PNKD: variants seen among roughly 807,000 people sequenced by gnomAD.
The protein encoded by PNKD is probable thioesterase PNKD.
In PNKD, 36 loss-of-function variants were observed where a neutral mutation model predicts 45.3. The ratio of observed to expected loss-of-function variants is 0.80; its 90% confidence interval spans 0.61 to 1.05. The LOEUF is 1.05. Among genes scored for constraint, PNKD ranks in the 50% least tolerant of loss-of-function variants. The pLI, the probability that PNKD is intolerant of heterozygous loss-of-function variation, is 0.00. For missense variants in PNKD, 511 were observed against 506.6 expected (o/e 1.01, Z -0.08); for synonymous variants, 197 against 210.1 (o/e 0.94, Z 0.54).
chr2:218,299,344 G>A (rs950699503), intron 2 of PNKD, among the ~76,000 whole-genome samples: 2 of 152,158 alleles, frequency 1.3e-5, no homozygotes, highest in Non-Finnish European at 2.9e-5. Context: ...GTTTCACCAC[G>A]TTGGCCAGGC....
intron 2 of PNKD, chr2:218,278,354 T>C: frequency 1.4e-6 from 1 of 719,094 alleles, no homozygotes; most frequent in Non-Finnish European, 2.4e-6. Flanking sequence ...ACACACATGG[T>C]CCTTTGTATA....
intron 1 of PNKD, chr2:218,270,947 G>A (rs1171186333): frequency 2.7e-5 from 9 of 335,896 alleles, no homozygotes; most frequent in Non-Finnish European, 5.4e-6. Flanking sequence ...TTGACCTTGG[G>A]CAAAGCAGTT....
intron 2 of PNKD, among the ~76,000 whole-genome samples, chr2:218,303,574 CTTT>C (rs59067154): frequency 2.2e-3 from 222 of 101,642 alleles, no homozygotes; most frequent in Middle Eastern, 5.6e-3. Flanking sequence ...ACCTGCACTT[CTTT>C]TTTTTTTTTT....
At chr2:218,273,615 G>C (rs993798329) in intron 2 of PNKD, among the ~76,000 whole-genome samples, 4 of 151,720 alleles carry the variant, frequency 2.6e-5, no homozygotes, top group Admixed American at 1.3e-4. Context: ...AGAGTAGCTG[G>C]GATTACAGGC....
intron 2 of PNKD, among the ~76,000 whole-genome samples, chr2:218,290,715 C>G (rs927440487): frequency 1.3e-5 from 2 of 152,242 alleles, no homozygotes; most frequent in Non-Finnish European, 2.9e-5. Context: ...TCCCTTCCCA[C>G]CAATGGAGGT....
At chr2:218,295,770 C>A (rs537362026) in intron 2 of PNKD, among the ~76,000 whole-genome samples, 1 of 151,818 alleles carries the variant, frequency 6.6e-6, no homozygotes, top group Admixed American at 6.6e-5. Context: ...CTGGTGGTGC[C>A]CCTGGGGTAG....
intron 2 of PNKD, chr2:218,292,654 G>A (rs1693019348): frequency 6.6e-6 from 1 of 152,152 alleles, no homozygotes; most frequent in African/African-American, 2.4e-5. Flanking sequence ...GAGCCCCGAC[G>A]ACGCCTCACT....
chr2:218,294,995 G>A (rs1693107627), intron 2 of PNKD, among the ~76,000 whole-genome samples: 1 of 152,142 alleles, frequency 6.6e-6, no homozygotes, highest in Non-Finnish European at 1.5e-5. Flanking sequence ...AATATCCAAG[G>A]AGATTCCATT....
chr2:218,337,121 T>A (rs1052099574), intron 2 of PNKD, among the ~76,000 whole-genome samples: 2 of 151,480 alleles, frequency 1.3e-5, no homozygotes, highest in Admixed American at 1.3e-4. Flanking sequence ...TCTTTTTTTT[T>A]ATTGAGATGG....
rs746425926 is a variant in PNKD at position 218,344,994 on chromosome 2, C to CCCCAG, written c.*23_*27dup. The CCCCAG allele has an allele frequency of 1.9e-6, 3 of 1,605,946 alleles. No homozygotes were observed. The highest frequency in any genetic ancestry group is 2.6e-6 in the Non-Finnish European group (3 of 1,175,258). The stretch of plus-strand genomic sequence containing the variant: ...CAAGAGCAAGTGATGCCCCCAGCGC[C>CCCCAG]CCCAGCCCAGCCCACTCCCCGCATG... On this transcript the variant is annotated 3_prime_UTR_variant, in exon 10 of 10. Coordinates refer to ENST00000273077, the MANE Select transcript of PNKD (RefSeq NM_015488.5).
intron 2 of PNKD, among the ~76,000 whole-genome samples, chr2:218,285,141 C>T (rs1692404999): frequency 6.6e-6 from 1 of 152,074 alleles, no homozygotes; most frequent in Non-Finnish European, 1.5e-5. Flanking sequence ...GAAACCCGAC[C>T]CCTGATCAAT....
At chr2:218,334,090 G>A (rs1230294536) in intron 2 of PNKD, among the ~76,000 whole-genome samples, 10 of 151,276 alleles carry the variant, frequency 6.6e-5, no homozygotes, top group Admixed American at 2.7e-4. Flanking sequence ...ACTCCTGCCC[G>A]GATGACAGAG....
In PNKD at chr2:218,308,188, A is replaced by ATT. The variant is rs36099207; in HGVS notation, c.237-31578_237-31577dup. On this transcript the variant is annotated intron_variant, in intron 2 of 9. Coordinates refer to ENST00000273077, the MANE Select transcript of PNKD (RefSeq NM_015488.5). ...AAGATTATGACTGGAAGCATTTTAG[A>ATT]TTTTTTTTTTTTTTTTTTGAGACAG... Among the ~76,000 whole-genome samples, 858 of 137,568 alleles carry ATT rather than the reference A, an allele frequency of 6.2e-3. 12 individuals carry two copies. The highest frequency in any genetic ancestry group is 0.016 in the African/African-American group (616 of 37,364). 90.2% of individuals were successfully genotyped at this position (137,568 alleles called of 152,430 possible).
rs10675061 is a variant in PNKD, at chr2:218,289,625, GAAAAAAA to G, written c.236+18091_236+18097del. Among the ~76,000 whole-genome samples, 21 of 87,768 alleles carry G rather than the reference GAAAAAAA, an allele frequency of 2.4e-4. No homozygotes were observed. In the South Asian group the frequency reaches 8.5e-3, roughly 36 times the overall value. 57.6% of individuals were successfully genotyped at this position (87,768 alleles called of 152,430 possible). On this transcript the variant is annotated intron_variant, in intron 2 of 9. Transcript: ENST00000273077. ...CCACTGCACTCCAGCCTGGGCGACA[GAAAAAAA>G]AAAAAAAAAAAAAACTGAAAGATCA...
At chr2:218,328,945 C>T (rs1694234861) in intron 2 of PNKD, among the ~76,000 whole-genome samples, 1 of 152,130 alleles carries the variant, frequency 6.6e-6, no homozygotes, top group Non-Finnish European at 1.5e-5. Flanking sequence ...CAGTGGCTCA[C>T]ACCTGTAATC....
intron 6 of PNKD, 101 bp from the exon 7 acceptor site, chr2:218,341,880 A>C: frequency 2.0e-6 from 2 of 996,394 alleles, no homozygotes; most frequent in Non-Finnish European, 3.2e-6. Context: ...ATGGAAGCCC[A>C]CTCTCTTGTG....
chr2:218,330,375 C>T (rs1694284459), intron 2 of PNKD, among the ~76,000 whole-genome samples: 1 of 152,144 alleles, frequency 6.6e-6, no homozygotes, highest in Non-Finnish European at 1.5e-5. Flanking sequence ...GAGGGAGGGG[C>T]GTCTGGGGGG....
chr2:218,343,442 C>A, intron 7 of PNKD, 58 bp from the exon 8 acceptor site: 1 of 1,349,742 alleles, frequency 7.4e-7, no homozygotes, highest in Non-Finnish European at 1.1e-6. Context: ...CTGGGTGTGC[C>A]TTATGCCATA....
intron 2 of PNKD, among the ~76,000 whole-genome samples, chr2:218,307,834 G>T (rs1693464703): frequency 6.6e-6 from 1 of 152,084 alleles, no homozygotes; most frequent in Non-Finnish European, 1.5e-5. Context: ...ACTGTGGCAG[G>T]GAAGGCAGAG....
Sources: allele counts gnomAD v4.1 joint callset (sites outside exome capture counted in the v4.1 genomes callset), GRCh38; gene constraint gnomAD v4.1.1; transcripts MANE v1.5; gene names NCBI Gene and HGNC (gene_info 2026-07-23, HGNC 2026-07-21).